The following CDK13 variants were observed in gnomAD, a reference collection of about 807,000 sequenced individuals.
CDK13 encodes cyclin-dependent kinase 13.
In CDK13, 40 loss-of-function variants were observed where a neutral mutation model predicts 137.6. The observed-to-expected ratio is 0.29, with a 90% CI of 0.23 to 0.38. The LOEUF is 0.38. Among genes scored for constraint, CDK13 ranks in the 10% least tolerant of loss-of-function variants. The pLI, the probability that CDK13 is intolerant of heterozygous loss-of-function variation, is 1.00. For missense variants in CDK13, 1,704 were observed against 1,951.8 expected (o/e 0.87, Z 2.39); for synonymous variants, 869 against 760.1 (o/e 1.14, Z -2.36).
intron 6 of CDK13, 100 bp from the exon 7 acceptor site, chr7:40,047,721 G>GT (rs57364877): frequency 0.041 from 25,207 of 621,464 alleles, no homozygotes; most frequent in East Asian, 0.073. Context: ...GTTTACATAG[G>GT]TTTTTTTTTT....
rs191153591 is a variant in CDK13, at chr7:40,077,522, T to C, written c.2781-483T>C. Among the ~76,000 whole-genome samples, 686 of 152,302 alleles carry C rather than the reference T, an allele frequency of 4.5e-3. 1 individual carries two copies. Among genetic ancestry groups the C allele is most frequent in the Non-Finnish European group, 6.1e-3 (417 of 68,040 alleles). On this transcript the variant is annotated intron_variant, in intron 9 of 13. Coordinates refer to ENST00000181839, the MANE Select transcript of CDK13 (RefSeq NM_003718.5). ...GATTGTTAAAAGTATCCACTGAAAA[T>C]AAATTAATTTCTTAAATAATTAAAT...
chr7:39,998,778 A>G (rs1332319149), intron 3 of CDK13: 1 of 152,032 alleles, frequency 6.6e-6, no homozygotes, highest in Non-Finnish European at 1.5e-5. Context: ...CTACCTGTCC[A>G]TTTGTATCTG....
intron 5 of CDK13, among the ~76,000 whole-genome samples, chr7:40,023,394 T>C (rs534550567): frequency 6.6e-6 from 1 of 152,268 alleles, no homozygotes; most frequent in East Asian, 1.9e-4. Context: ...TCATAAGGTA[T>C]TCGTGGTTGA....
chr7:40,007,862 A>G (rs1279609815), intron 5 of CDK13, among the ~76,000 whole-genome samples: 1 of 152,190 alleles, frequency 6.6e-6, no homozygotes, highest in Non-Finnish European at 1.5e-5. Flanking sequence ...ATTTTGAGTA[A>G]GTGAATGAAT....
At chr7:39,986,055 CAG>C (rs1206224806) in intron 1 of CDK13, 1 of 152,168 alleles carries the variant, frequency 6.6e-6, no homozygotes, top group Non-Finnish European at 1.5e-5. Context: ...TCATTGGGCA[CAG>C]AGTAGGGCAG....
At chr7:39,954,079 G>A (rs190324103) in intron 1 of CDK13, among the ~76,000 whole-genome samples, 18 of 152,152 alleles carry the variant, frequency 1.2e-4, no homozygotes, top group Non-Finnish European at 1.8e-4. Context: ...ATCCACCTTC[G>A]AACCATTGCT....
intron 1 of CDK13, among the ~76,000 whole-genome samples, chr7:39,983,679 T>TACCTTTCTGCTACTC (rs1327751233): frequency 4.6e-5 from 7 of 152,222 alleles, no homozygotes; most frequent in African/African-American, 1.7e-4. Flanking sequence ...TTCTGCTGCT[T>TACCTTTCTGCTACTC]ACCTTTCTGC....
chr7:40,030,108 TAA>T (rs772162073), intron 5 of CDK13, among the ~76,000 whole-genome samples: 1 of 152,174 alleles, frequency 6.6e-6, no homozygotes, highest in African/African-American at 2.4e-5. Context: ...GCATCTCTTT[TAA>T]GTACTAACCA....
At position 39,950,455 on chromosome 7, in the gene CDK13, C is replaced by T; in HGVS notation, c.-187C>T. 2 of 1,242,584 alleles carry T rather than the reference C, an allele frequency of 1.6e-6. No homozygotes were observed. Among genetic ancestry groups the T allele is most frequent in the African/African-American group, 1.6e-5 (1 of 64,482 alleles). 77.0% of individuals were successfully genotyped at this position (1,242,584 alleles called of 1,614,324 possible). A position where few individuals can be genotyped will look rare whatever the true frequency, so the allele number is the denominator to read the frequency against. ...CTTCCCTGGGGCCCGGAGGCTGCTG[C>T]GTACCCCACTGTGACCTGGAACCCA... On this transcript the variant is annotated 5_prime_UTR_variant, in exon 1 of 14. Transcript: ENST00000181839.
chr7:40,078,979 T>C (rs1786606338), intron 11 of CDK13, 128 bp downstream of exon 11: 1 of 274,428 alleles, frequency 3.6e-6, no homozygotes, highest in Admixed American at 5.8e-5. Context: ...AAAGGAAAGA[T>C]AAAACAGCAG....
chr7:39,968,985 A>G (rs1008997288), intron 1 of CDK13, among the ~76,000 whole-genome samples: 2 of 151,548 alleles, frequency 1.3e-5, no homozygotes, highest in African/African-American at 4.9e-5. Flanking sequence ...CATTCTTTCA[A>G]CCTTAGTTCA....
chr7:40,034,251 A>G (rs998448392), intron 5 of CDK13, among the ~76,000 whole-genome samples: 1 of 152,090 alleles, frequency 6.6e-6, no homozygotes, highest in African/African-American at 2.4e-5. Context: ...CTGCAGTTGT[A>G]AGTTGTGGTT....
At chr7:40,036,703 T>TAAAAAAAA (rs17537999) in intron 5 of CDK13, among the ~76,000 whole-genome samples, 1 of 145,646 alleles carries the variant, frequency 6.9e-6, no homozygotes, top group Non-Finnish European at 1.5e-5. Flanking sequence ...CCTGTCAACT[T>TAAAAAAAA]AAAAAAAAAA....
At chr7:40,006,021 C>CT (rs1330890479) in intron 5 of CDK13, among the ~76,000 whole-genome samples, 1 of 152,182 alleles carries the variant, frequency 6.6e-6, no homozygotes, top group Non-Finnish European at 1.5e-5. Flanking sequence ...CACACTTGGC[C>CT]TGAAGAAACT....
chr7:40,034,001 T>G (rs1298563769), intron 5 of CDK13, among the ~76,000 whole-genome samples: 2 of 152,172 alleles, frequency 1.3e-5, no homozygotes, highest in Non-Finnish European at 2.9e-5. Flanking sequence ...GATAATTAAT[T>G]TCTCTTGAAG....
chr7:40,017,857 G>T (rs982597512), intron 5 of CDK13, among the ~76,000 whole-genome samples: 1 of 150,652 alleles, frequency 6.6e-6, no homozygotes, highest in African/African-American at 2.4e-5. Flanking sequence ...AAGTATTCAG[G>T]TATCTTAATC....
chr7:39,998,620 C>T (rs1277357561), intron 3 of CDK13: 1 of 151,604 alleles, frequency 6.6e-6, no homozygotes, highest in African/African-American at 2.4e-5. Flanking sequence ...GACCCTGTTT[C>T]AAAAAAATAA....
chr7:40,062,911 G>A lies in CDK13; in HGVS notation c.2686G>A (p.Asp896Asn), dbSNP rs1419869409. Residue 896 changes from aspartate to asparagine, a missense_variant, in exon 8 of 14, where the codon GAT becomes AAT. Transcript: ENST00000181839. ...LGEERYTPAI[D>N]VWSCGCILGE... ...AGAAGAACGATACACACCAGCCATT[G>A]ATGTATGGAGCTGTGGGTAAGATAG... 6.2e-7 allele frequency: 1 copy of A among 1,613,154 alleles called. No homozygotes were observed. Among genetic ancestry groups the A allele is most frequent in the Non-Finnish European group, 8.5e-7 (1 of 1,179,234 alleles).
chr7:39,951,386 G>GGCA lies in CDK13; in HGVS notation c.760_762dup (p.Ser254dup), dbSNP rs746568580. 2.6e-5 allele frequency: 39 copies of GGCA among 1,521,238 alleles called. No individual in the cohort carries two copies. The highest frequency in any genetic ancestry group is 1.2e-4 in the South Asian group (10 of 82,232). The allele number at this position is 1,521,238 out of a possible 1,614,324, so 94.2% of individuals were successfully genotyped here. ...GGAACGGGCCGAGGTCGCCAAGAGC[G>GGCA]GCAGCAGCAGCAGCAGCGGCGGCCG... On this transcript the variant is annotated inframe_insertion, in exon 1 of 14. Transcript: ENST00000181839.
Sources: allele counts gnomAD v4.1 joint callset (sites outside exome capture counted in the v4.1 genomes callset), GRCh38; gene constraint gnomAD v4.1.1; transcripts MANE v1.5; gene names NCBI Gene and HGNC (gene_info 2026-07-23, HGNC 2026-07-21).